The following NAPSA variants were observed in gnomAD, a reference collection of about 807,000 sequenced individuals.
The protein encoded by NAPSA is napsin A aspartic peptidase.
A neutral mutation model predicts 36.7 loss-of-function variants in NAPSA; 37 were observed. The observed-to-expected ratio is 1.01, with a 90% CI of 0.78 to 1.33. The LOEUF is 1.33. Among genes scored for constraint, NAPSA ranks in the 40% most tolerant of loss-of-function variants. The pLI is 0.00. For missense variants in NAPSA, 532 were observed against 543.8 expected (o/e 0.98, Z 0.21); for synonymous variants, 222 against 234.5 (o/e 0.95, Z 0.49).
rs376750936 is a variant in NAPSA, at chr19:50,359,035, G to A, written c.1011C>T (p.Leu337=). The A allele has an allele frequency of 3.1e-6, 5 of 1,614,046 alleles. No individual in the cohort carries two copies. The highest frequency in any genetic ancestry group is 4.2e-6 in the Non-Finnish European group (5 of 1,179,920). ...SFLLGGVWFN[L]TAHDYVIQTT... ...CCTGGATGACGTAATCATGGGCCGT[G>A]AGGTTAAACCAGACCCCCCCAAGAA... The change falls in exon 8 of 9, where the codon CTC becomes CTT. Residue 337 remains leucine, a synonymous_variant. Coordinates refer to ENST00000253719, the MANE Select transcript of NAPSA (RefSeq NM_004851.3).
At chr19:50,365,121 G>A (rs1321221316) in intron 1 of NAPSA, among the ~76,000 whole-genome samples, 1 of 151,852 alleles carries the variant, frequency 6.6e-6, no homozygotes, top group African/African-American at 2.4e-5. Context: ...GGATCACGAG[G>A]TCAGGGGTTC....
rs1334877822 is a variant in NAPSA, at chr19:50,358,480, A to G, written c.*73T>C. Reference sequence around the variant, plus strand: ...GAAGCAACCCAGGCAGGTTCGCTCAATGGAAATAGTGGATTTTTACTGGGT... The same window carrying G: ...GAAGCAACCCAGGCAGGTTCGCTCAGTGGAAATAGTGGATTTTTACTGGGT... On this transcript the variant is annotated 3_prime_UTR_variant, in exon 9 of 9. Coordinates refer to ENST00000253719, the MANE Select transcript of NAPSA (RefSeq NM_004851.3). 3.0e-5 allele frequency: 39 copies of G among 1,310,626 alleles called. No homozygotes were observed. The highest frequency in any genetic ancestry group is 3.9e-4 in the Middle Eastern group (2 of 5,154). The allele number at this position is 1,310,626 out of a possible 1,614,324, so 81.2% of individuals were successfully genotyped here. A position where few individuals can be genotyped will look rare whatever the true frequency, so the allele number is the denominator to read the frequency against.
At chr19:50,358,949 C>T in intron 8 of NAPSA, 62 bp downstream of exon 8, 2 of 1,466,770 alleles carry the variant, frequency 1.4e-6, no homozygotes, top group South Asian at 1.2e-5. Context: ...TGACGTCTCT[C>T]AGCTCTACCC....
At chr19:50,358,988 G>C in intron 8 of NAPSA, 23 bp downstream of exon 8, 1 of 1,572,324 alleles carries the variant, frequency 6.4e-7, no homozygotes, top group Non-Finnish European at 8.8e-7. Flanking sequence ...CGTCACTATG[G>C]CGTCATGGTG....
chr19:50,361,821 C>A, intron 3 of NAPSA, 40 bp from the exon 4 acceptor site: 1 of 1,601,852 alleles, frequency 6.2e-7, no homozygotes, highest in Non-Finnish European at 8.6e-7. Flanking sequence ...GGGAGGGAAT[C>A]TCCCCAGTGC....
chr19:50,362,289 A>T lies in NAPSA; in HGVS notation c.108T>A (p.Pro36=). ...TCAGTAGGTTCAGGATCCTGCGTCC[A>T]GGTTGGACTCGATGAAGAGGGATGC... The part of the protein sequence containing the change: ...LIRIPLHRVQ[P]GRRILNLLRG... The change falls in exon 2 of 9, where the codon CCT becomes CCA. Residue 36 remains proline (P), a synonymous_variant. Transcript: ENST00000253719. 6.2e-7 allele frequency: 1 copy of T among 1,609,182 alleles called. No homozygotes were observed.
intron 5 of NAPSA, 107 bp downstream of exon 5, chr19:50,360,834 G>A (rs2037461651): frequency 9.0e-7 from 1 of 1,117,066 alleles, no homozygotes; most frequent in East Asian, 2.6e-5. Context: ...GTGTAAGTGG[G>A]TGACTCTGAG....
chr19:50,365,483 G>A (rs2037535493), intron 1 of NAPSA, 56 bp downstream of exon 1: 1 of 1,552,546 alleles, frequency 6.4e-7, no homozygotes, highest in Non-Finnish European at 8.9e-7. Flanking sequence ...TAGACTTAAA[G>A]GGCAAGAGGC....
chr19:50,366,548 A>G (rs1221266994), upstream of NAPSA, among the ~76,000 whole-genome samples: 3 of 152,008 alleles, frequency 2.0e-5, no homozygotes, highest in Non-Finnish European at 4.4e-5. Context: ...TTCTTCAAGG[A>G]TTGGTCCTTG....
chr19:50,361,242 C>T, intron 4 of NAPSA, 102 bp from the exon 5 acceptor site: 2 of 998,378 alleles, frequency 2.0e-6, no homozygotes, highest in Non-Finnish European at 3.0e-6. Context: ...CTGGGGACTT[C>T]TGGATGCAAG....
chr19:50,359,999 G>C, intron 5 of NAPSA, 137 bp from the exon 6 acceptor site: 1 of 1,180,262 alleles, frequency 8.5e-7, no homozygotes, highest in Admixed American at 2.6e-5. Context: ...TGCAGGAAGG[G>C]CCTAGATGTT....
At chr19:50,361,378 C>T in intron 4 of NAPSA, 1 of 589,592 alleles carries the variant, frequency 1.7e-6, no homozygotes, top group Non-Finnish European at 3.0e-6. Flanking sequence ...AGAAGCCCCA[C>T]CTCTTCACCC....
chr19:50,364,088 G>C (rs1002498602), intron 1 of NAPSA, among the ~76,000 whole-genome samples: 2 of 151,780 alleles, frequency 1.3e-5, no homozygotes, highest in Non-Finnish European at 2.9e-5. Context: ...GGGAGGCTGA[G>C]GCAGGCAGAT....
At chr19:50,366,226 C>T, upstream of NAPSA, among the ~76,000 whole-genome samples, 1 of 149,784 alleles carries the variant, frequency 6.7e-6, no homozygotes. Flanking sequence ...ACTCTTGTTG[C>T]CCAGGCTGGG....
upstream of NAPSA, among the ~76,000 whole-genome samples, chr19:50,368,641 C>T (rs897283559): frequency 6.6e-6 from 1 of 152,184 alleles, no homozygotes; most frequent in African/African-American, 2.4e-5. Context: ...ATCTGGGCCC[C>T]TTCAACTCGC....
intron 1 of NAPSA, 54 bp downstream of exon 1, chr19:50,365,485 G>T (rs933157044): frequency 7.1e-6 from 11 of 1,555,900 alleles, no homozygotes; most frequent in Non-Finnish European, 9.7e-6. Context: ...GACTTAAAGG[G>T]CAAGAGGCAG....
rs1054522462 is a variant in NAPSA, at chr19:50,360,988, C to T, written c.621G>A (p.Val207=). 2 of 1,614,042 alleles carry T rather than the reference C, an allele frequency of 1.2e-6. No individual in the cohort carries two copies. The highest frequency in any genetic ancestry group is 2.7e-5 in the African/African-American group (2 of 74,912). Residue 207 remains valine, a synonymous_variant, in exon 5 of 9, where the codon GTG becomes GTA. Coordinates refer to ENST00000253719, the MANE Select transcript of NAPSA (RefSeq NM_004851.3). ...EGVRPPMDVL[V]EQGLLDKPVF... is the part of the protein sequence containing the mutation. ...CAGGCTTATCCAATAGCCCCTGCTC[C>T]ACCAGTACATCCATCGGGGGCCGAA...
chr19:50,366,523 G>T (rs2123622958), upstream of NAPSA, among the ~76,000 whole-genome samples: 1 of 152,254 alleles, frequency 6.6e-6, no homozygotes, highest in Middle Eastern at 3.4e-3. Flanking sequence ...TGTCGGAAAG[G>T]TCACATATCT....
intron 5 of NAPSA, 115 bp downstream of exon 5, chr19:50,360,826 G>T (rs2037461563): frequency 1.9e-6 from 2 of 1,035,012 alleles, no homozygotes; most frequent in Non-Finnish European, 2.8e-6. Flanking sequence ...AATGGACAGT[G>T]TAAGTGGGTG....
Sources: allele counts gnomAD v4.1 joint callset (sites outside exome capture counted in the v4.1 genomes callset), GRCh38; gene constraint gnomAD v4.1.1; transcripts MANE v1.5; gene names NCBI Gene and HGNC (gene_info 2026-07-23, HGNC 2026-07-21).